PTPRD: variants seen among roughly 807,000 people sequenced by gnomAD.
The protein encoded by PTPRD is protein tyrosine phosphatase receptor type D, also known as receptor-type tyrosine-protein phosphatase delta.
A neutral mutation model predicts 214.5 loss-of-function variants in PTPRD; 34 were observed. The ratio of observed to expected loss-of-function variants is 0.16; its 90% confidence interval spans 0.12 to 0.21. The LOEUF (loss-of-function observed/expected upper bound fraction) is 0.21, where lower values mean the gene tolerates loss of function less well. Ranked by LOEUF, PTPRD falls within the 10% of genes least tolerant of loss-of-function variation. The pLI is 1.00. For synonymous variants in PTPRD, 1,128 were observed against 845.7 expected, an observed-to-expected ratio of 1.33 and a Z score of -5.79; for missense variants, 2,545 against 2,398.7, an observed-to-expected ratio of 1.06 and a Z score of -1.27.
intron 12 of PTPRD, among the ~76,000 whole-genome samples, chr9:8,679,056 G>A (rs1011607251): frequency 6.6e-6 from 1 of 152,126 alleles, no homozygotes; most frequent in Non-Finnish European, 1.5e-5. Flanking sequence ...AGTACATAGA[G>A]GGTTGGGATG....
At chr9:8,802,044 CTT>C (rs1194959135) in intron 11 of PTPRD, among the ~76,000 whole-genome samples, 1 of 152,114 alleles carries the variant, frequency 6.6e-6, no homozygotes, top group Non-Finnish European at 1.5e-5. Context: ...CAATCTGAAA[CTT>C]TTATATCACC....
chr9:8,715,235 T>C (rs1336986814), intron 12 of PTPRD, among the ~76,000 whole-genome samples: 2 of 152,192 alleles, frequency 1.3e-5, no homozygotes, highest in African/African-American at 2.4e-5. Flanking sequence ...CGACCAATTA[T>C]GAGCCTCTAA....
chr9:10,510,529 T>C (rs1000161570), intron 2 of PTPRD, among the ~76,000 whole-genome samples: 1 of 152,172 alleles, frequency 6.6e-6, no homozygotes, highest in Non-Finnish European at 1.5e-5. Flanking sequence ...GCTTTCGGCA[T>C]ATCGCTTTTT....
At chr9:8,531,743 C>T (rs963125775) in intron 14 of PTPRD, among the ~76,000 whole-genome samples, 26 of 152,214 alleles carry the variant, frequency 1.7e-4, no homozygotes, top group African/African-American at 6.3e-4. Flanking sequence ...AAGTTCATCT[C>T]TCGGAAGAAC....
At chr9:9,002,701 G>A (rs1025415788) in intron 11 of PTPRD, among the ~76,000 whole-genome samples, 3 of 151,798 alleles carry the variant, frequency 2.0e-5, no homozygotes, top group Non-Finnish European at 2.9e-5. Context: ...CTGGGCTTCC[G>A]CCTACTTCTT....
chr9:9,524,357 G>A (rs1190270084), intron 8 of PTPRD, among the ~76,000 whole-genome samples: 1 of 151,982 alleles, frequency 6.6e-6, no homozygotes, highest in Non-Finnish European at 1.5e-5. Flanking sequence ...AATATGTCTA[G>A]GTTCTACCTT....
At chr9:8,598,500 C>G (rs555342448) in intron 14 of PTPRD, among the ~76,000 whole-genome samples, 1 of 148,300 alleles carries the variant, frequency 6.7e-6, no homozygotes, top group African/African-American at 2.6e-5. Context: ...ACAAATAAAC[C>G]CAGCATCTGA....
chr9:9,373,287 G>A (rs984672116), intron 9 of PTPRD, among the ~76,000 whole-genome samples: 1 of 152,014 alleles, frequency 6.6e-6, no homozygotes, highest in East Asian at 1.9e-4. Flanking sequence ...TTTGGTGAGA[G>A]AAATAAGTCA....
intron 9 of PTPRD, among the ~76,000 whole-genome samples, chr9:9,263,659 T>C (rs145304899): frequency 6.6e-6 from 1 of 151,806 alleles, no homozygotes; most frequent in Non-Finnish European, 1.5e-5. Flanking sequence ...AAAGTCATCA[T>C]ATTGAAATTT....
At chr9:8,557,443 T>TACAC (rs2084254962) in intron 14 of PTPRD, among the ~76,000 whole-genome samples, 1 of 129,150 alleles carries the variant, frequency 7.7e-6, no homozygotes, top group African/African-American at 4.6e-5. Context: ...TACATATATA[T>TACAC]ATATATATAT....
intron 2 of PTPRD, among the ~76,000 whole-genome samples, chr9:10,405,877 TA>T (rs1205921764): frequency 2.6e-5 from 4 of 151,316 alleles, no homozygotes; most frequent in African/African-American, 4.8e-5. Context: ...ATACATAATA[TA>T]AAAAAAGGAA....
At chr9:8,636,115 G>A (rs1335063009) in intron 13 of PTPRD, among the ~76,000 whole-genome samples, 3 of 152,136 alleles carry the variant, frequency 2.0e-5, no homozygotes, top group Non-Finnish European at 2.9e-5. Context: ...AAACACAGGT[G>A]CGAGGGGCAG....
At position 10,225,248 on chromosome 9, in the gene PTPRD, T is replaced by C. The variant is rs998800540; in HGVS notation, c.-545+115715A>G. Among the ~76,000 whole-genome samples, 6 of 151,982 alleles carry C rather than the reference T, an allele frequency of 3.9e-5. No individual in the cohort carries two copies. In the East Asian group the frequency reaches 1.2e-3, roughly 29 times the overall value. The stretch of plus-strand genomic sequence containing the variant: ...TTTTATTTTAAAAAATAGAATAATA[T>C]TTAGATCTTATGGTTACTATAATCA... On this transcript the variant is annotated intron_variant, in intron 3 of 45. Transcript: ENST00000381196.
intron 2 of PTPRD, among the ~76,000 whole-genome samples, chr9:10,548,966 A>C (rs948387990): frequency 2.6e-5 from 4 of 152,198 alleles, no homozygotes; most frequent in Non-Finnish European, 5.9e-5. Context: ...AAGAGAAAAA[A>C]ATTGCATGTG....
intron 11 of PTPRD, among the ~76,000 whole-genome samples, chr9:8,909,878 A>AG (rs1258154314): frequency 4.0e-5 from 6 of 151,104 alleles, no homozygotes; most frequent in Non-Finnish European, 7.4e-5. Flanking sequence ...AAAAAAAAAA[A>AG]AAAGAAAGAA....
intron 2 of PTPRD, among the ~76,000 whole-genome samples, chr9:10,503,543 T>A (rs2044627339): frequency 1.3e-5 from 2 of 152,100 alleles, no homozygotes. Flanking sequence ...AAAAGATATT[T>A]AACCTAATTA....
intron 14 of PTPRD, among the ~76,000 whole-genome samples, chr9:8,598,201 G>C (rs2094575817): frequency 6.6e-6 from 1 of 152,066 alleles, no homozygotes; most frequent in Non-Finnish European, 1.5e-5. Flanking sequence ...AAAATAGCCA[G>C]TGCACTCTGG....
At chr9:10,318,050 G>C (rs568966200) in intron 3 of PTPRD, among the ~76,000 whole-genome samples, 2 of 151,740 alleles carry the variant, frequency 1.3e-5, no homozygotes, top group Non-Finnish European at 2.9e-5. Flanking sequence ...CTGTTGCTAC[G>C]TTTTTTCCCC....
At position 8,599,707 on chromosome 9, in the gene PTPRD, C is replaced by T. The variant is rs552953819; in HGVS notation, c.352+33610G>A. On this transcript the variant is annotated intron_variant, in intron 14 of 45. Coordinates refer to ENST00000381196, the MANE Select transcript of PTPRD (RefSeq NM_002839.4). ...GGCGCGATCACTGCAACCTCCGCCT[C>T]CTGGGTTGAAGCGATTCTCCTGCTT... Among the ~76,000 whole-genome samples, 9 of 149,224 alleles carry T rather than the reference C, an allele frequency of 6.0e-5. No homozygotes were observed. In the South Asian group the frequency reaches 1.9e-3, roughly 32 times the overall value.
Sources: allele counts gnomAD v4.1 joint callset (sites outside exome capture counted in the v4.1 genomes callset), GRCh38; gene constraint gnomAD v4.1.1; transcripts MANE v1.5; gene names NCBI Gene and HGNC (gene_info 2026-07-23, HGNC 2026-07-21).